COX7B2: variants seen among roughly 807,000 people sequenced by gnomAD.
COX7B2 encodes the protein cytochrome c oxidase subunit 7B2, mitochondrial.
For synonymous variants in COX7B2, 37 were observed against 32.1 expected (o/e 1.15, Z -0.51); for missense variants, 109 against 95.9 (o/e 1.14, Z -0.57).
At chr4:46,801,368 T>C (rs1242797806) in intron 2 of COX7B2, among the ~76,000 whole-genome samples, 1 of 152,054 alleles carries the variant, frequency 6.6e-6, no homozygotes, top group Non-Finnish European at 1.5e-5. Context: ...ATAAAGAAAA[T>C]GTGGTACATA....
At chr4:46,876,333 A>G (rs1718330035) in intron 1 of COX7B2, among the ~76,000 whole-genome samples, 1 of 151,660 alleles carries the variant, frequency 6.6e-6, no homozygotes, top group Admixed American at 6.6e-5. Flanking sequence ...ATAATATTTC[A>G]TTGTATCTCT....
At chr4:46,828,906 G>C (rs921852288) in intron 2 of COX7B2, among the ~76,000 whole-genome samples, 1 of 152,022 alleles carries the variant, frequency 6.6e-6, no homozygotes. Flanking sequence ...TAACAGCGAA[G>C]TATAATTAAC....
At chr4:46,768,415 ACTCTGCTC>A (rs1716674190) in intron 2 of COX7B2, among the ~76,000 whole-genome samples, 1 of 152,030 alleles carries the variant, frequency 6.6e-6, no homozygotes, top group South Asian at 2.1e-4. Context: ...CTGCCGTGCT[ACTCTGCTC>A]CTCTGCCACT....
At chr4:46,753,494 A>T (rs1317528218) in intron 2 of COX7B2, among the ~76,000 whole-genome samples, 2 of 151,690 alleles carry the variant, frequency 1.3e-5, no homozygotes, top group Non-Finnish European at 2.9e-5. Context: ...TGGTGCTGGG[A>T]AAACTGGCTA....
intron 1 of COX7B2, among the ~76,000 whole-genome samples, chr4:46,867,148 A>C (rs574862165): frequency 3.3e-5 from 5 of 152,226 alleles, no homozygotes; most frequent in Non-Finnish European, 7.3e-5. Context: ...TTTCTGACCC[A>C]GGAAACAGAT....
intron 2 of COX7B2, among the ~76,000 whole-genome samples, chr4:46,736,886 C>G (rs553263250): frequency 6.6e-6 from 1 of 152,248 alleles, no homozygotes; most frequent in South Asian, 2.1e-4. Flanking sequence ...TTCTAAGATT[C>G]AATTAGTACG....
At chr4:46,832,718 G>A (rs921236713) in intron 2 of COX7B2, among the ~76,000 whole-genome samples, 26 of 152,030 alleles carry the variant, frequency 1.7e-4, no homozygotes, top group Non-Finnish European at 2.9e-5. Flanking sequence ...TTCTTGTTCA[G>A]TTAGTTCACT....
At chr4:46,859,286 A>T (rs886283947) in intron 1 of COX7B2, among the ~76,000 whole-genome samples, 4 of 151,796 alleles carry the variant, frequency 2.6e-5, no homozygotes, top group Non-Finnish European at 5.9e-5. Flanking sequence ...TCTTCCAAAC[A>T]TTTCTCACAA....
intron 2 of COX7B2, among the ~76,000 whole-genome samples, chr4:46,737,709 G>A (rs1156960488): frequency 6.6e-6 from 1 of 152,080 alleles, no homozygotes; most frequent in African/African-American, 2.4e-5. Flanking sequence ...CTGTGTGCAA[G>A]TTGTCAAACA....
intron 2 of COX7B2, among the ~76,000 whole-genome samples, chr4:46,828,804 G>A (rs1028016368): frequency 6.6e-6 from 1 of 152,096 alleles, no homozygotes; most frequent in African/African-American, 2.4e-5. Flanking sequence ...TCTTGTCTAT[G>A]GATATGGGCA....
intron 2 of COX7B2, among the ~76,000 whole-genome samples, chr4:46,738,149 C>T (rs1714479304): frequency 6.6e-6 from 1 of 152,104 alleles, no homozygotes; most frequent in South Asian, 2.1e-4. Flanking sequence ...TTTAGGAAGA[C>T]ACATAACCAA....
intron 2 of COX7B2, among the ~76,000 whole-genome samples, chr4:46,765,818 G>A (rs1378254661): frequency 6.6e-6 from 1 of 151,720 alleles, no homozygotes; most frequent in Non-Finnish European, 1.5e-5. Context: ...TTAGCATCAG[G>A]CCAGCCCATA....
intron 2 of COX7B2, among the ~76,000 whole-genome samples, chr4:46,762,950 G>A (rs933426109): frequency 8.5e-6 from 1 of 117,162 alleles, no homozygotes; most frequent in African/African-American, 3.3e-5. Flanking sequence ...ACATATATAT[G>A]TCATATATAT....
In COX7B2 at chr4:46,762,199, TATA is replaced by T. The variant is rs1375830725; in HGVS notation, c.-49-26961_-49-26959del. 9.7e-5 allele frequency among the ~76,000 whole-genome samples: 14 copies of T among 144,300 alleles called. No individual in the cohort carries two copies. In the South Asian group the frequency reaches 2.7e-3, roughly 28 times the overall value. The allele number at this position is 144,300 out of a possible 152,430, so 94.7% of individuals were successfully genotyped here. On this transcript the variant is annotated intron_variant, in intron 2 of 2. Transcript: ENST00000355591. ...AAACAAAACATATATTGTGTATAAT[TATA>T]ATATACATTTAATATGTATATTATT...
At chr4:46,804,328 A>G (rs1342562269) in intron 2 of COX7B2, among the ~76,000 whole-genome samples, 2 of 152,198 alleles carry the variant, frequency 1.3e-5, no homozygotes, top group Non-Finnish European at 2.9e-5. Flanking sequence ...CCAGGTTGCC[A>G]CTGCTGGCTC....
intron 2 of COX7B2, among the ~76,000 whole-genome samples, chr4:46,753,366 C>T (rs1361740269): frequency 6.6e-6 from 1 of 151,816 alleles, no homozygotes; most frequent in East Asian, 1.9e-4. Flanking sequence ...TTCAAAAAAC[C>T]AGCACCCAAT....
At chr4:46,906,615 T>C (rs1198344569) in intron 1 of COX7B2, among the ~76,000 whole-genome samples, 4 of 152,234 alleles carry the variant, frequency 2.6e-5, no homozygotes, top group Non-Finnish European at 4.4e-5. Context: ...TTATTTTTTT[T>C]CTAAGCATTA....
At chr4:46,859,678 C>T (rs1372987075) in intron 1 of COX7B2, among the ~76,000 whole-genome samples, 1 of 152,112 alleles carries the variant, frequency 6.6e-6, no homozygotes, top group Non-Finnish European at 1.5e-5. Flanking sequence ...AATAAAGAAA[C>T]CATCCAGAAC....
At chr4:46,902,828 G>GTCC (rs1560446269) in intron 1 of COX7B2, among the ~76,000 whole-genome samples, 1 of 152,072 alleles carries the variant, frequency 6.6e-6, no homozygotes, top group Non-Finnish European at 1.5e-5. Context: ...AGTGAGCCCA[G>GTCC]ATCAAACCAC....
Sources: allele counts gnomAD v4.1 joint callset (sites outside exome capture counted in the v4.1 genomes callset), GRCh38; gene constraint gnomAD v4.1.1; transcripts MANE v1.5; gene names NCBI Gene and HGNC (gene_info 2026-07-23, HGNC 2026-07-21).